Variants in LIMK2 observed in about 807,000 individuals in gnomAD.
LIMK2 encodes the protein LIM domain kinase 2.
In LIMK2, 35 loss-of-function variants were observed where a neutral mutation model predicts 75.7. The ratio of observed to expected loss-of-function variants is 0.46; its 90% CI spans 0.35 to 0.61. LIMK2 has a LOEUF of 0.61. Among genes scored for constraint, LIMK2 ranks in the 20% least tolerant of loss-of-function variants. The probability of loss-of-function intolerance (pLI) is 0.00; values close to 1 mark genes in which losing one functional copy is unlikely to be tolerated. For missense variants in LIMK2, 623 were observed against 831.0 expected (o/e 0.75, Z 3.08); for synonymous variants, 301 against 319.2 (o/e 0.94, Z 0.61).
intron 15 of LIMK2, chr22:31,276,922 C>G (rs1347414838): frequency 1.9e-6 from 3 of 1,613,462 alleles, no homozygotes; most frequent in Admixed American, 3.3e-5. Context: ...GGAGTGGATC[C>G]TGGAGCAGCT....
intron 15 of LIMK2, among the ~76,000 whole-genome samples, chr22:31,276,577 C>T (rs973261508): frequency 7.6e-5 from 11 of 145,624 alleles, no homozygotes; most frequent in Admixed American, 2.1e-4. Context: ...CGGGCGCCCC[C>T]GCCGCCGCCC....
Position 31,279,876 on chromosome 22 carries a change from CAG to C in LIMK2, c.*1438_*1439del. ...TGTGGGACCAGATGTCATCTCTGGT[CAG>C]AGTTTACTTGCTATATAGACTGTAC... is the stretch of plus-strand genomic sequence containing the variant. On this transcript the variant is annotated 3_prime_UTR_variant, in exon 16 of 16. Coordinates refer to ENST00000331728, the MANE Select transcript of LIMK2 (RefSeq NM_005569.4). 1 of 152,272 alleles carries C rather than the reference CAG, an allele frequency of 6.6e-6. No individual in the cohort carries two copies. The highest frequency in any genetic ancestry group is 6.5e-5 in the Admixed American group (1 of 15,292). 9.4% of individuals were successfully genotyped at this position (152,272 alleles called of 1,614,324 possible). A position where few individuals can be genotyped will look rare whatever the true frequency, so the allele number is the denominator to read the frequency against.
At chr22:31,230,261 A>T (rs2023769286) in intron 2 of LIMK2, 1 of 151,556 alleles carries the variant, frequency 6.6e-6, no homozygotes, top group South Asian at 2.1e-4. Context: ...ATCCTTTCTG[A>T]TGTTCTCTGG....
At chr22:31,260,222 C>T (rs1408252821) in intron 5 of LIMK2, 145 bp downstream of exon 5, 10 of 645,864 alleles carry the variant, frequency 1.5e-5, no homozygotes, top group Middle Eastern at 3.9e-4. Context: ...ATGCTGTAAC[C>T]GTACCTGGGC....
chr22:31,248,769 G>T, intron 2 of LIMK2: 5 of 1,614,102 alleles, frequency 3.1e-6, no homozygotes, highest in Non-Finnish European at 4.2e-6. Flanking sequence ...GACCTGTTTC[G>T]GTGAGTTGGT....
chr22:31,244,191 G>A (rs749160683), intron 2 of LIMK2, among the ~76,000 whole-genome samples: 7 of 152,318 alleles, frequency 4.6e-5, no homozygotes, highest in African/African-American at 1.4e-4. Context: ...GCCCGTCGCC[G>A]CTGGAACAGC....
chr22:31,259,073 C>A, intron 3 of LIMK2, 48 bp from the exon 4 acceptor site: 3 of 1,118,770 alleles, frequency 2.7e-6, no homozygotes, highest in Non-Finnish European at 4.1e-6. Context: ...ACAGTGATAA[C>A]TCACTTCCTT....
chr22:31,230,521 G>C (rs1475532282), intron 2 of LIMK2, among the ~76,000 whole-genome samples: 1 of 152,110 alleles, frequency 6.6e-6, no homozygotes, highest in Admixed American at 6.6e-5. Context: ...TGCTTGACCT[G>C]GTTCCTAGCA....
chr22:31,219,552 T>C (rs2048416291), intron 1 of LIMK2, among the ~76,000 whole-genome samples: 1 of 152,112 alleles, frequency 6.6e-6, no homozygotes, highest in Non-Finnish European at 1.5e-5. Context: ...AAGCTCCTTT[T>C]CTGGACTCTT....
At chr22:31,242,529 T>C (rs1253639767) in intron 2 of LIMK2, among the ~76,000 whole-genome samples, 1 of 152,222 alleles carries the variant, frequency 6.6e-6, no homozygotes, top group Non-Finnish European at 1.5e-5. Context: ...GCCAACATAT[T>C]TTCTTTTTTC....
At chr22:31,274,566 A>G (rs1240773782) in intron 14 of LIMK2, among the ~76,000 whole-genome samples, 1 of 151,860 alleles carries the variant, frequency 6.6e-6, no homozygotes, top group Non-Finnish European at 1.5e-5. Context: ...ACGCCTGGCT[A>G]ATTTTTGTAT....
chr22:31,268,032 G>A, intron 10 of LIMK2, 112 bp from the exon 11 acceptor site: 2 of 1,527,278 alleles, frequency 1.3e-6, no homozygotes, highest in Non-Finnish European at 1.8e-6. Flanking sequence ...ATGCTGGGTG[G>A]GACTGAGCAT....
Position 31,248,569 on chromosome 22 carries a change from C to T in LIMK2, c.117-9722C>T, listed in dbSNP as rs779996903. ...TGGAGTCCTCAGGCTCCCGCAGCTG[C>T]TCCGGAGGGAGAGGTGAGCTCAGGG... On this transcript the variant is annotated intron_variant, in intron 2 of 15. Coordinates refer to ENST00000331728, the MANE Select transcript of LIMK2 (RefSeq NM_005569.4). 4 of 1,603,896 alleles carry T rather than the reference C, an allele frequency of 2.5e-6. No homozygotes were observed. In the South Asian group the frequency reaches 4.4e-5, roughly 18 times the overall value.
intron 1 of LIMK2, among the ~76,000 whole-genome samples, chr22:31,217,010 A>G (rs910344816): frequency 1.3e-5 from 2 of 152,220 alleles, no homozygotes; most frequent in Non-Finnish European, 2.9e-5. Context: ...TGGTTTCATT[A>G]AAGTGTTCCT....
chr22:31,248,533 G>A (rs763066060), intron 2 of LIMK2: 7 of 1,586,010 alleles, frequency 4.4e-6, no homozygotes, highest in African/African-American at 4.0e-5. Flanking sequence ...TCTGCTGGGG[G>A]CCAAGTGGCC....
Position 31,262,725 on chromosome 22 carries a change from C to T in LIMK2, c.788C>T (p.Pro263Leu). 6.2e-7 allele frequency: 1 copy of T among 1,614,154 alleles called. No individual in the cohort carries two copies. Among genetic ancestry groups the T allele is most frequent in the Non-Finnish European group, 8.5e-7 (1 of 1,180,008 alleles). Residue 263 changes from proline (P) to leucine (L), a missense_variant, in exon 7 of 16, where the codon CCC becomes CTC. By Grantham distance (98) the Pro-to-Leu change is moderately conservative. This residue lies in a region of LIMK2 where 514 missense variants were observed against 661.3 expected (regional missense o/e 0.78). Transcript: ENST00000331728. The surrounding 1 kb of genome is among the most constrained non-coding windows in gnomAD (Gnocchi z 5.0). ...CCTCACATGCAGAATGCCGGACACC[C>T]CCACGCCCTCAGCACCCTGGACACC... ...LAPHMQNAGH[P>L]HALSTLDTKE...
At chr22:31,237,801 C>G (rs1488492774) in intron 2 of LIMK2, among the ~76,000 whole-genome samples, 1 of 151,788 alleles carries the variant, frequency 6.6e-6, no homozygotes, top group Admixed American at 6.6e-5. Context: ...TCAATTAAAA[C>G]TTAGTTTAAA....
intron 1 of LIMK2, among the ~76,000 whole-genome samples, chr22:31,218,195 T>C (rs1419832025): frequency 6.6e-6 from 1 of 152,194 alleles, no homozygotes; most frequent in Non-Finnish European, 1.5e-5. Context: ...GTAAAGCAGG[T>C]GGTATTATCC....
chr22:31,252,484 T>C (rs2048734547), intron 2 of LIMK2, among the ~76,000 whole-genome samples: 1 of 149,456 alleles, frequency 6.7e-6, no homozygotes, highest in South Asian at 2.1e-4. Flanking sequence ...CAGACTACAG[T>C]GAGCAATGAT....
Sources: allele counts gnomAD v4.1 joint callset (sites outside exome capture counted in the v4.1 genomes callset), GRCh38; gene constraint gnomAD v4.1.1; regional missense constraint gnomAD v4.1.1; non-coding constraint Gnocchi (gnomAD v3.1); transcripts MANE v1.5; gene names NCBI Gene and HGNC (gene_info 2026-07-23, HGNC 2026-07-21).